The following ARHGEF6 variants were observed in gnomAD, a reference collection of about 807,000 sequenced individuals.
ARHGEF6 encodes the protein Rac/Cdc42 guanine nucleotide exchange factor 6.
A neutral mutation model predicts 70.3 loss-of-function variants in ARHGEF6; 9 were observed. The observed-to-expected ratio is 0.13, with a 90% CI of 0.08 to 0.22. The LOEUF is 0.22. Among genes scored for constraint, ARHGEF6 ranks in the 10% least tolerant of loss-of-function variants. The probability of loss-of-function intolerance (pLI) is 1.00; values close to 1 mark genes in which losing one functional copy is unlikely to be tolerated. For missense variants in ARHGEF6, 470 were observed against 563.0 expected (o/e 0.83, Z 1.67); for synonymous variants, 201 against 207.8 (o/e 0.97, Z 0.28).
chrX:136,736,000 T>G (rs1170869339), intron 5 of ARHGEF6, among the ~76,000 whole-genome samples: 1 of 112,090 alleles, frequency 8.9e-6, no homozygotes, highest in Non-Finnish European at 1.9e-5. Flanking sequence ...AGAAGAAGGA[T>G]TTGATGCCCT....
intron 6 of ARHGEF6, among the ~76,000 whole-genome samples, chrX:136,721,179 A>G (rs1367258315): frequency 8.9e-6 from 1 of 112,511 alleles, no homozygotes; most frequent in Non-Finnish European, 1.9e-5. Flanking sequence ...TGTTGAAGAG[A>G]TATCTGCACT....
chrX:136,740,228 C>T (rs896564217), intron 5 of ARHGEF6, among the ~76,000 whole-genome samples: 8 of 110,902 alleles, frequency 7.2e-5, no homozygotes, highest in African/African-American at 2.3e-4. Flanking sequence ...AGGCTGATCG[C>T]GAATTCCTAA....
chrX:136,720,910 T>C (rs1385633193), intron 6 of ARHGEF6, among the ~76,000 whole-genome samples: 1 of 111,804 alleles, frequency 8.9e-6, no homozygotes, highest in Non-Finnish European at 1.9e-5. Context: ...CCTCTAAAAA[T>C]GAAATACTTA....
In ARHGEF6 at chrX:136,668,204, GA is replaced by G. The variant is rs1001068477; in HGVS notation, c.2191-36del. 4 of 1,205,833 alleles carry G rather than the reference GA, an allele frequency of 3.3e-6. No individual in the cohort carries two copies. In the African/African-American group the frequency reaches 7.0e-5, roughly 21 times the overall value. ...GGAAAGATTTGTTGATTATCAAACA[GA>G]GGGGGGCCCTTCCAAGGGCTCCTCC... is the stretch of plus-strand genomic sequence containing the variant. On this transcript the variant is annotated intron_variant, in intron 21 of 21. Coordinates refer to ENST00000250617, the MANE Select transcript of ARHGEF6 (RefSeq NM_004840.3).
chrX:136,732,372 C>T (rs1408082945), intron 5 of ARHGEF6, among the ~76,000 whole-genome samples, 200 bp from the exon 6 acceptor site: 1 of 111,642 alleles, frequency 9.0e-6, no homozygotes, highest in Non-Finnish European at 1.9e-5. Context: ...CCTCAATTTC[C>T]AAAGAAGGAA....
chrX:136,705,624 G>A (rs1875122060), intron 9 of ARHGEF6, among the ~76,000 whole-genome samples: 3 of 111,414 alleles, frequency 2.7e-5, no homozygotes, highest in South Asian at 3.8e-4. Context: ...CTGGCACATC[G>A]TCAGTGCTAT....
Position 136,667,884 on chromosome X carries a change from G to A in ARHGEF6, c.*145C>T. 1 of 781,064 alleles carries A rather than the reference G, an allele frequency of 1.3e-6. No homozygotes were observed. Among genetic ancestry groups the A allele is most frequent in the Non-Finnish European group, 1.9e-6 (1 of 524,576 alleles). The allele number at this position is 781,064 out of a possible 1,213,427, so 64.4% of individuals were successfully genotyped here. On this transcript the variant is annotated 3_prime_UTR_variant, in exon 22 of 22. Coordinates refer to ENST00000250617, the MANE Select transcript of ARHGEF6 (RefSeq NM_004840.3). Reference sequence around the variant, plus strand: ...CGCACACACATATGCACACAGCGGGGAGAGAAAGAGAAGAGAGAGGGAGAG... The same window carrying A: ...CGCACACACATATGCACACAGCGGGAAGAGAAAGAGAAGAGAGAGGGAGAG...
At chrX:136,729,943 A>G (rs1349732549) in intron 6 of ARHGEF6, among the ~76,000 whole-genome samples, 1 of 111,036 alleles carries the variant, frequency 9.0e-6, no homozygotes, top group Non-Finnish European at 1.9e-5. Flanking sequence ...ATGCATATAT[A>G]TATATACACT....
intron 2 of ARHGEF6, 21 bp downstream of exon 2, chrX:136,779,393 A>C (rs1274219924): frequency 8.4e-7 from 1 of 1,190,528 alleles, no homozygotes; most frequent in Non-Finnish European, 1.1e-6. Flanking sequence ...ACAACAGGGA[A>C]GGCACCCGGG....
chrX:136,733,107 C>T (rs1243780366), intron 5 of ARHGEF6, among the ~76,000 whole-genome samples: 1 of 108,323 alleles, frequency 9.2e-6, no homozygotes, highest in African/African-American at 3.4e-5. Context: ...AAAGGAAATC[C>T]TAGGACATTC....
At position 136,675,171 on chromosome X, in the gene ARHGEF6, C is replaced by G. The variant is rs1369925569; in HGVS notation, c.1946-75G>C. On this transcript the variant is annotated intron_variant, in intron 18 of 21. Transcript: ENST00000250617. ...CCTCAAAATGATGCAGCACACTCCACTGCCTGGGACTGGCTTCTCTGACCA... is the reference window on the plus strand; with the variant it reads ...CCTCAAAATGATGCAGCACACTCCAGTGCCTGGGACTGGCTTCTCTGACCA... 21 of 878,650 alleles carry G rather than the reference C, an allele frequency of 2.4e-5. No individual in the cohort carries two copies. The Admixed American group carries it at 4.9e-4, about 20-fold the overall frequency. 72.4% of individuals were successfully genotyped at this position (878,650 alleles called of 1,213,427 possible).
chrX:136,757,289 G>A (rs894479753), intron 2 of ARHGEF6, among the ~76,000 whole-genome samples: 4 of 112,619 alleles, frequency 3.6e-5, no homozygotes, highest in African/African-American at 9.7e-5. Context: ...GAAACCAGGA[G>A]GCGGAGGTTG....
At position 136,747,577 on chromosome X, in the gene ARHGEF6, C is replaced by A; in HGVS notation, c.265G>T (p.Asp89Tyr). Reference protein sequence around the residue: ...TLQVEIFDPDDLYSGVNFSKV... With the variant: ...TLQVEIFDPDYLYSGVNFSKV... ...GAGAAATTGACCCCTGAATAAAGGT[C>A]ATCAGGATCAAATATCTATGAGAAA... The change falls in exon 3 of 22, where the codon GAC (aspartate) becomes TAC (tyrosine). Residue 89 changes from aspartate (D) to tyrosine (Y), a missense_variant. Physicochemically the swap from Asp to Tyr is radical, Grantham distance 160. Transcript: ENST00000250617. 1 of 1,180,816 alleles carries A rather than the reference C, an allele frequency of 8.5e-7. No individual in the cohort carries two copies. The highest frequency in any genetic ancestry group is 1.1e-6 in the Non-Finnish European group (1 of 875,691).
chrX:136,717,870 T>C (rs899044290), intron 6 of ARHGEF6, among the ~76,000 whole-genome samples: 2 of 111,351 alleles, frequency 1.8e-5, no homozygotes, highest in Non-Finnish European at 3.8e-5. Context: ...GAAATATAAC[T>C]GATAAGTGAA....
chrX:136,692,472 A>G (rs949835687), intron 9 of ARHGEF6, among the ~76,000 whole-genome samples: 2 of 111,793 alleles, frequency 1.8e-5, no homozygotes, highest in Non-Finnish European at 3.8e-5. Context: ...ACTTGGAGTC[A>G]TAAAAGAGAG....
chrX:136,753,049 T>C (rs1331558771), intron 2 of ARHGEF6, among the ~76,000 whole-genome samples: 1 of 112,066 alleles, frequency 8.9e-6, no homozygotes, highest in Non-Finnish European at 1.9e-5. Context: ...ACATAGCTCC[T>C]ACTAAAAGCA....
At chrX:136,776,876 T>TA (rs1303348074) in intron 2 of ARHGEF6, among the ~76,000 whole-genome samples, 6 of 87,149 alleles carry the variant, frequency 6.9e-5, no homozygotes, top group Non-Finnish European at 1.1e-4. Flanking sequence ...AATAAATAAA[T>TA]AGATAAATAA....
chrX:136,666,326 G>A lies in ARHGEF6; in HGVS notation c.*1703C>T, dbSNP rs1416916414. The A allele has an allele frequency of 8.9e-6, 1 of 112,035 alleles. No homozygotes were observed. Among genetic ancestry groups the A allele is most frequent in the Non-Finnish European group, 1.9e-5 (1 of 53,197 alleles). The allele number at this position is 112,035 out of a possible 1,213,427, so 9.2% of individuals were successfully genotyped here. On this transcript the variant is annotated 3_prime_UTR_variant, in exon 22 of 22. Coordinates refer to ENST00000250617, the MANE Select transcript of ARHGEF6 (RefSeq NM_004840.3). Reference sequence around the variant, plus strand: ...ACTCTCAGTACCAAAAATAAAAAGGGCTCCTCAGCAAGCTGGGGGTTTCAA... The same window carrying A: ...ACTCTCAGTACCAAAAATAAAAAGGACTCCTCAGCAAGCTGGGGGTTTCAA...
chrX:136,768,631 A>C (rs1474667092), intron 2 of ARHGEF6: 1 of 112,531 alleles, frequency 8.9e-6, no homozygotes, highest in Non-Finnish European at 1.9e-5. Context: ...TCAGGGCTTG[A>C]AGCAAGATCT....
Sources: allele counts gnomAD v4.1 joint callset (sites outside exome capture counted in the v4.1 genomes callset), GRCh38; gene constraint gnomAD v4.1.1; transcripts MANE v1.5; gene names NCBI Gene and HGNC (gene_info 2026-07-23, HGNC 2026-07-21).